The following KIF6 variants were observed in gnomAD, a reference collection of about 807,000 sequenced individuals.
The protein encoded by KIF6 is kinesin family member 6.
A neutral mutation model predicts 112.7 loss-of-function variants in KIF6; 106 were observed. The ratio of observed to expected loss-of-function variants is 0.94; its 90% CI spans 0.80 to 1.11. The LOEUF (loss-of-function observed/expected upper bound fraction) is 1.11, where lower values mean the gene tolerates loss of function less well. KIF6 is among the 50% of genes least tolerant of loss of function. The pLI is 0.00. For missense variants in KIF6, 929 were observed against 964.0 expected, an observed-to-expected ratio of 0.96 and a Z score of 0.48; for synonymous variants, 339 against 339.9, an observed-to-expected ratio of 1.00 and a Z score of 0.03.
intron 13 of KIF6, among the ~76,000 whole-genome samples, chr6:39,435,989 A>G (rs529300653): frequency 1.2e-4 from 18 of 152,302 alleles, no homozygotes; most frequent in African/African-American, 3.4e-4. Flanking sequence ...AGCAGAGTAT[A>G]AGCATTCCCT....
chr6:39,373,039 T>C (rs1272090925), intron 16 of KIF6, among the ~76,000 whole-genome samples: 1 of 152,176 alleles, frequency 6.6e-6, no homozygotes, highest in Non-Finnish European at 1.5e-5. Context: ...CAGATGGCGA[T>C]TTTCATCATG....
rs748627831 is a variant in KIF6 at position 39,362,490 on chromosome 6, C to A, written c.1890G>T (p.Leu630=). The part of the protein sequence containing the change: ...LGISENMAVP[L]MPDQQEEKLR... ...GCTTCTCCTCCTGCTGGTCTGGCAT[C>A]AGAGGCACGGCCATGTTTTCCGAGA... Residue 630 remains leucine, a synonymous_variant, in exon 17 of 23, where the codon CTG becomes CTT. Transcript: ENST00000287152. 1.1e-5 allele frequency: 18 copies of A among 1,614,138 alleles called. No homozygotes were observed. The highest frequency in any genetic ancestry group is 1.3e-5 in the Non-Finnish European group (15 of 1,179,968).
chr6:39,672,308 T>C (rs1399757421), intron 3 of KIF6, among the ~76,000 whole-genome samples: 1 of 152,196 alleles, frequency 6.6e-6, no homozygotes, highest in African/African-American at 2.4e-5. Context: ...TTTATATCAA[T>C]TAGCTTATGG....
intron 19 of KIF6, among the ~76,000 whole-genome samples, chr6:39,348,542 G>T (rs1016851000): frequency 6.6e-6 from 1 of 152,146 alleles, no homozygotes; most frequent in Non-Finnish European, 1.5e-5. Context: ...TGCCATAAAT[G>T]ACCTCTGCCC....
At chr6:39,461,547 A>G (rs1773476086) in intron 13 of KIF6, among the ~76,000 whole-genome samples, 1 of 150,086 alleles carries the variant, frequency 6.7e-6, no homozygotes, top group Admixed American at 6.6e-5. Flanking sequence ...ATTAATTTTA[A>G]TATGTTTTAT....
At chr6:39,637,767 A>G (rs542043889) in intron 4 of KIF6, among the ~76,000 whole-genome samples, 42 of 152,182 alleles carry the variant, frequency 2.8e-4, no homozygotes, top group Admixed American at 2.7e-3. Flanking sequence ...CTGTTTGATT[A>G]TAATGAATGT....
At chr6:39,349,485 T>G (rs1462035641) in intron 19 of KIF6, among the ~76,000 whole-genome samples, 1 of 150,448 alleles carries the variant, frequency 6.6e-6, no homozygotes, top group Admixed American at 6.6e-5. Flanking sequence ...GGAATAGAGA[T>G]AGGCAGAGCT....
chr6:39,475,617 T>C (rs1167561344), intron 13 of KIF6, among the ~76,000 whole-genome samples: 2 of 152,210 alleles, frequency 1.3e-5, no homozygotes, highest in East Asian at 1.9e-4. Flanking sequence ...TCTGCATACC[T>C]GCAGAAAAGT....
intron 4 of KIF6, among the ~76,000 whole-genome samples, chr6:39,637,090 G>C (rs908426405): frequency 3.4e-4 from 51 of 152,062 alleles, no homozygotes; most frequent in African/African-American, 1.1e-3. Context: ...CCTTCAAATG[G>C]AGAATTCAGT....
Position 39,378,611 on chromosome 6 carries a change from C to A in KIF6, c.1861+7011G>T, listed in dbSNP as rs548327306. Among the ~76,000 whole-genome samples, 13 of 152,274 alleles carry A rather than the reference C, an allele frequency of 8.5e-5. No individual in the cohort carries two copies. Among genetic ancestry groups the A allele is most frequent in the Admixed American group, 2.6e-4 (4 of 15,288 alleles). On this transcript the variant is annotated intron_variant, in intron 16 of 22. Transcript: ENST00000287152. The surrounding 1 kb of genome is among the most constrained non-coding windows in gnomAD (Gnocchi z 5.0). Reference sequence around the variant, plus strand: ...CAGCCCAGGCCTGTGGTCTTGGTGACAACCCCCCAGGGCCACTCCTTCTGG... The same window carrying A: ...CAGCCCAGGCCTGTGGTCTTGGTGAAAACCCCCCAGGGCCACTCCTTCTGG...
At chr6:39,532,532 T>C (rs1778135242) in intron 13 of KIF6, among the ~76,000 whole-genome samples, 1 of 152,224 alleles carries the variant, frequency 6.6e-6, no homozygotes, top group South Asian at 2.1e-4. Flanking sequence ...TCTACTGCCA[T>C]CACAATAAGT....
At chr6:39,656,237 T>A (rs1480757267) in intron 3 of KIF6, among the ~76,000 whole-genome samples, 29 of 152,174 alleles carry the variant, frequency 1.9e-4, no homozygotes, top group Admixed American at 1.9e-3. Context: ...ACTACTCCCT[T>A]CATTTACATG....
intron 1 of KIF6, among the ~76,000 whole-genome samples, 174 bp from the exon 2 acceptor site, chr6:39,720,985 T>C (rs543710844): frequency 2.0e-5 from 3 of 152,328 alleles, no homozygotes; most frequent in South Asian, 2.1e-4. Flanking sequence ...CAGACAAATA[T>C]ATGGAACTGA....
chr6:39,558,893 C>T (rs902412047), intron 10 of KIF6, among the ~76,000 whole-genome samples: 4 of 152,132 alleles, frequency 2.6e-5, no homozygotes, highest in Non-Finnish European at 5.9e-5. Flanking sequence ...CATTAAAATA[C>T]AGAAACAGCC....
At chr6:39,406,754 T>C (rs545969227) in intron 15 of KIF6, among the ~76,000 whole-genome samples, 1 of 152,288 alleles carries the variant, frequency 6.6e-6, no homozygotes, top group South Asian at 2.1e-4. Flanking sequence ...CCTGCAAGTA[T>C]TTGTTGTTTT....
At chr6:39,570,136 C>T (rs1345064414) in intron 10 of KIF6, among the ~76,000 whole-genome samples, 4 of 152,104 alleles carry the variant, frequency 2.6e-5, no homozygotes, top group African/African-American at 9.7e-5. Context: ...TATATTTAGT[C>T]TTAAATTATT....
chr6:39,494,467 G>T (rs1024586082), intron 13 of KIF6, among the ~76,000 whole-genome samples: 2 of 152,144 alleles, frequency 1.3e-5, no homozygotes, highest in African/African-American at 4.8e-5. Flanking sequence ...CATTTTTGGA[G>T]CTCTAGAGAA....
At chr6:39,377,367 C>CA (rs935211875) in intron 16 of KIF6, among the ~76,000 whole-genome samples, 2 of 151,288 alleles carry the variant, frequency 1.3e-5, no homozygotes, top group African/African-American at 4.9e-5. Context: ...CCCATCCCCC[C>CA]CCAACCCCGG....
intron 10 of KIF6, among the ~76,000 whole-genome samples, chr6:39,576,344 G>A (rs761014199): frequency 6.6e-6 from 1 of 151,860 alleles, no homozygotes; most frequent in Non-Finnish European, 1.5e-5. Context: ...GGATGGCCTC[G>A]AACTCCTGAC....
Sources: allele counts gnomAD v4.1 joint callset (sites outside exome capture counted in the v4.1 genomes callset), GRCh38; gene constraint gnomAD v4.1.1; non-coding constraint Gnocchi (gnomAD v3.1); transcripts MANE v1.5; gene names NCBI Gene and HGNC (gene_info 2026-07-23, HGNC 2026-07-21).